ATL1: variants seen among roughly 807,000 people sequenced by gnomAD.
ATL1 encodes atlastin-1.
In ATL1, 31 loss-of-function variants were observed where a neutral mutation model predicts 75.5. The ratio of observed to expected loss-of-function variants is 0.41; its 90% CI spans 0.31 to 0.55. The LOEUF (loss-of-function observed/expected upper bound fraction) is 0.55, where lower values mean the gene tolerates loss of function less well. Among genes scored for constraint, ATL1 ranks in the 20% least tolerant of loss-of-function variants. The pLI, the probability that ATL1 is intolerant of heterozygous loss-of-function variation, is 0.27. For missense variants in ATL1, 405 were observed against 662.6 expected, an observed-to-expected ratio of 0.61 and a Z score of 4.27; for synonymous variants, 226 against 233.3, an observed-to-expected ratio of 0.97 and a Z score of 0.28.
In ATL1 at chr14:50,591,067, G is replaced by A. The variant is rs772400647; in HGVS notation, c.409G>A (p.Gly137Ser). The A allele has an allele frequency of 1.9e-6, 3 of 1,612,958 alleles. No homozygotes were observed. In the African/African-American group the frequency reaches 4.0e-5, roughly 22 times the overall value. The change falls in exon 3 of 14, where the codon GGT becomes AGT. Residue 137 changes from glycine (G) to serine (S), a missense_variant. Gly to Ser is a moderately conservative substitution (Grantham distance 56, BLOSUM62 0). Transcript: ENST00000358385. Reference sequence around the variant, plus strand: ...AATCTTCCTTATCAATAAACCTGATGGTAAAAAGGTATGATGCTAACTTCC... The same window carrying A: ...AATCTTCCTTATCAATAAACCTGATAGTAAAAAGGTATGATGCTAACTTCC... ...SEIFLINKPD[G>S]KKVAVLLMDT... is the part of the protein sequence containing the mutation.
chr14:50,570,803 T>G (rs1448238705), intron 1 of ATL1, among the ~76,000 whole-genome samples: 1 of 152,200 alleles, frequency 6.6e-6, no homozygotes, highest in East Asian at 1.9e-4. Context: ...ACTGGACATT[T>G]GAAACTAATA....
intron 1 of ATL1, among the ~76,000 whole-genome samples, chr14:50,574,907 G>T (rs1239986152): frequency 2.1e-5 from 1 of 48,472 alleles, no homozygotes; most frequent in Non-Finnish European, 3.9e-5. Flanking sequence ...TTTCAATACT[G>T]AGTGTGTGTG....
Position 50,613,330 on chromosome 14 carries a change from A to G in ATL1, c.702A>G (p.Lys234=). ...CATATGGAGCCGATGGTGGTGCCAA[A>G]TTCTTGGAAAAACGCCTCAAGGTTT... is the stretch of plus-strand genomic sequence containing the variant. ...EFSYGADGGA[K]FLEKRLKVSG... is the part of the protein sequence containing the mutation. Residue 234 remains lysine (K), a synonymous_variant, in exon 7 of 14, where the codon AAA becomes AAG. Transcript: ENST00000358385. 1 of 1,613,176 alleles carries G rather than the reference A, an allele frequency of 6.2e-7. No individual in the cohort carries two copies. Among genetic ancestry groups the G allele is most frequent in the Non-Finnish European group, 8.5e-7 (1 of 1,179,580 alleles).
chr14:50,535,802 A>C (rs529856491), intron 1 of ATL1, among the ~76,000 whole-genome samples: 1 of 152,262 alleles, frequency 6.6e-6, no homozygotes, highest in East Asian at 1.9e-4. Context: ...TATGTTACTG[A>C]TATGGTTTGT....
At chr14:50,543,608 T>C (rs993740447) in intron 1 of ATL1, among the ~76,000 whole-genome samples, 5 of 152,136 alleles carry the variant, frequency 3.3e-5, no homozygotes, top group African/African-American at 1.2e-4. Flanking sequence ...TTTGATAGGA[T>C]AGAGGAAAGT....
intron 1 of ATL1, among the ~76,000 whole-genome samples, chr14:50,543,592 A>G (rs1318428097): frequency 6.6e-6 from 1 of 152,210 alleles, no homozygotes; most frequent in African/African-American, 2.4e-5. Context: ...ACTCAGGAAC[A>G]GCTAGTTTGA....
Position 50,588,050 on chromosome 14 carries a change from A to C in ATL1, c.254A>C (p.Asp85Ala). The change falls in exon 2 of 14, where the codon GAC (aspartate) becomes GCC (alanine). Residue 85 changes from aspartate (D) to alanine (A), a missense_variant. Coordinates refer to ENST00000358385, the MANE Select transcript of ATL1 (RefSeq NM_015915.5). ...AGAAAAGGAAAATCATTCCTGATGG[A>C]CTTCATGTTGAGATACATGTACAAC... ...AFRKGKSFLM[D>A]FMLRYMYNQE... 6 of 1,614,202 alleles carry C rather than the reference A, an allele frequency of 3.7e-6. No individual in the cohort carries two copies. The highest frequency in any genetic ancestry group is 5.1e-6 in the Non-Finnish European group (6 of 1,180,022).
intron 5 of ATL1, among the ~76,000 whole-genome samples, chr14:50,594,711 A>G (rs2039195906): frequency 6.6e-6 from 1 of 152,180 alleles, no homozygotes. Flanking sequence ...AAGATTCTCC[A>G]GGGCCGGGTG....
intron 1 of ATL1, among the ~76,000 whole-genome samples, chr14:50,539,796 A>C (rs2140143915): frequency 6.6e-6 from 1 of 152,356 alleles, no homozygotes; most frequent in East Asian, 1.9e-4. Flanking sequence ...AGCATCTGGA[A>C]GTCCTTCTAA....
At chr14:50,632,066 T>C (rs2039586757) in intron 13 of ATL1, 163 bp from the exon 14 acceptor site, 5 of 510,842 alleles carry the variant, frequency 9.8e-6, no homozygotes, top group South Asian at 5.1e-5. Context: ...CATTGAGGAG[T>C]TGAAAATACT....
intron 13 of ATL1, chr14:50,631,002 T>C: frequency 2.2e-6 from 1 of 453,822 alleles, no homozygotes; most frequent in East Asian, 7.0e-5. Flanking sequence ...CTCACGCCTG[T>C]AATCCCAGCA....
chr14:50,565,283 C>A (rs1451428726), intron 1 of ATL1, among the ~76,000 whole-genome samples: 1 of 151,106 alleles, frequency 6.6e-6, no homozygotes, highest in Non-Finnish European at 1.5e-5. Flanking sequence ...GAGTGAGACT[C>A]CATCTCAAAA....
chr14:50,625,839 G>C (rs889501816), intron 11 of ATL1, among the ~76,000 whole-genome samples: 1 of 151,678 alleles, frequency 6.6e-6, no homozygotes, highest in South Asian at 2.1e-4. Flanking sequence ...GAACCCAAGA[G>C]GCAGAGTTTG....
At chr14:50,621,178 A>G (rs957649107) in intron 9 of ATL1, among the ~76,000 whole-genome samples, 1 of 152,142 alleles carries the variant, frequency 6.6e-6, no homozygotes, top group African/African-American at 2.4e-5. Context: ...TTAAATTTGC[A>G]TTTACCTGTT....
At position 50,576,616 on chromosome 14, in the gene ATL1, C is replaced by T. The variant is rs2039008468; in HGVS notation, c.35-11215C>T. ...TTAGAGACAGGGTCTCATTCTGTTG[C>T]CCAGGTTGAAGTACAGTTACATGAT... is the stretch of plus-strand genomic sequence containing the variant. On this transcript the variant is annotated intron_variant, in intron 1 of 13. Transcript: ENST00000358385. Among the ~76,000 whole-genome samples, 3 of 152,174 alleles carry T rather than the reference C, an allele frequency of 2.0e-5. 1 individual carries two copies. The highest frequency in any genetic ancestry group is 2.1e-4 in the South Asian group (1 of 4,826).
chr14:50,560,408 C>T (rs992422995), intron 1 of ATL1, 109 bp downstream of exon 1: 6 of 1,413,286 alleles, frequency 4.2e-6, no homozygotes, highest in Non-Finnish European at 5.8e-6. Context: ...CCTGCGTCCA[C>T]GGCTGGGAGA....
intron 1 of ATL1, among the ~76,000 whole-genome samples, chr14:50,566,186 T>C (rs1489578678): frequency 6.6e-6 from 1 of 152,134 alleles, no homozygotes; most frequent in Non-Finnish European, 1.5e-5. Flanking sequence ...TTAGTAGAGA[T>C]GGGGTTTCCC....
intron 6 of ATL1, among the ~76,000 whole-genome samples, chr14:50,601,098 A>G (rs2140215423): frequency 6.6e-6 from 1 of 152,300 alleles, no homozygotes; most frequent in African/African-American, 2.4e-5. Flanking sequence ...ACAGAGTGAG[A>G]CCGTATCTCA....
chr14:50,614,642 A>T lies in ATL1; in HGVS notation c.862+131A>T, dbSNP rs2039397759. On this transcript the variant is annotated intron_variant, in intron 8 of 13. Transcript: ENST00000358385. ...AGGCTGATGATTAGAAATTGTCAGG[A>T]GAATAGGGCATCCTGGGCTGGTGCT... 5 of 1,038,256 alleles carry T rather than the reference A, an allele frequency of 4.8e-6. No homozygotes were observed. In the East Asian group the frequency reaches 1.3e-4, roughly 27 times the overall value. The allele number at this position is 1,038,256 out of a possible 1,614,324, so 64.3% of individuals were successfully genotyped here. A position where few individuals can be genotyped will look rare whatever the true frequency, so the allele number is the denominator to read the frequency against.
Sources: allele counts gnomAD v4.1 joint callset (sites outside exome capture counted in the v4.1 genomes callset), GRCh38; gene constraint gnomAD v4.1.1; transcripts MANE v1.5; gene names NCBI Gene and HGNC (gene_info 2026-07-23, HGNC 2026-07-21).